The following HIVEP2 variants were observed in gnomAD, a reference collection of about 807,000 sequenced individuals.
HIVEP2 encodes the protein transcription factor HIVEP2.
A neutral mutation model predicts 180.7 loss-of-function variants in HIVEP2; 14 were observed. The observed-to-expected ratio is 0.08, with a 90% CI of 0.05 to 0.12. HIVEP2 has a LOEUF of 0.12. Ranked by LOEUF, HIVEP2 falls within the 10% of genes least tolerant of loss-of-function variation. The pLI is 1.00. For synonymous variants in HIVEP2, 1,184 were observed against 1,136.4 expected, an observed-to-expected ratio of 1.04 and a Z score of -0.84; for missense variants, 2,579 against 3,008.5, an observed-to-expected ratio of 0.86 and a Z score of 3.34.
At chr6:142,896,071 T>C (rs1312754042) in intron 1 of HIVEP2, among the ~76,000 whole-genome samples, 3 of 152,182 alleles carry the variant, frequency 2.0e-5, no homozygotes, top group Non-Finnish European at 4.4e-5. Context: ...AAACTTAGAA[T>C]GTGACCTTTT....
chr6:142,876,750 T>C (rs932696067), intron 1 of HIVEP2, among the ~76,000 whole-genome samples: 3 of 151,816 alleles, frequency 2.0e-5, no homozygotes, highest in Non-Finnish European at 4.4e-5. Context: ...AGGTCAGGAG[T>C]GGTGGCTCAC....
intron 2 of HIVEP2, among the ~76,000 whole-genome samples, chr6:142,786,602 GA>G (rs1043691235): frequency 3.3e-5 from 5 of 151,902 alleles, no homozygotes; most frequent in African/African-American, 1.2e-4. Flanking sequence ...ATTCTTAGAA[GA>G]AAAAAAATCC....
chr6:142,849,900 A>G (rs1775606600), intron 1 of HIVEP2, among the ~76,000 whole-genome samples: 1 of 152,202 alleles, frequency 6.6e-6, no homozygotes, highest in South Asian at 2.1e-4. Context: ...CTCAAAGACT[A>G]GGAAGTGTGC....
intron 6 of HIVEP2, among the ~76,000 whole-genome samples, chr6:142,768,093 A>AC (rs1210996454): frequency 1.3e-5 from 2 of 152,366 alleles, no homozygotes; most frequent in African/African-American, 4.8e-5. Flanking sequence ...AACTTAGATG[A>AC]CATCAAGTGT....
At chr6:142,899,545 T>C (rs1777080431) in intron 1 of HIVEP2, among the ~76,000 whole-genome samples, 1 of 152,222 alleles carries the variant, frequency 6.6e-6, no homozygotes, top group Non-Finnish European at 1.5e-5. Context: ...AATTAGTAAA[T>C]GAAACCAATT....
chr6:142,842,324 G>C (rs1775385584), intron 1 of HIVEP2, among the ~76,000 whole-genome samples: 1 of 152,154 alleles, frequency 6.6e-6, no homozygotes, highest in South Asian at 2.1e-4. Context: ...TGTTGTGCAT[G>C]TTAACTAAAT....
chr6:142,788,848 G>A (rs1776071039), intron 2 of HIVEP2, among the ~76,000 whole-genome samples: 1 of 152,044 alleles, frequency 6.6e-6, no homozygotes, highest in Non-Finnish European at 1.5e-5. Context: ...ATTACAAGAG[G>A]GAATGGTCAC....
At chr6:142,925,858 T>C (rs1777794987) in intron 1 of HIVEP2, among the ~76,000 whole-genome samples, 1 of 152,230 alleles carries the variant, frequency 6.6e-6, no homozygotes, top group Admixed American at 6.5e-5. Context: ...CCTTTCTCTG[T>C]CAACTCTTTG....
At chr6:142,756,806 TATC>T (rs1327026095) in intron 9 of HIVEP2, among the ~76,000 whole-genome samples, 1 of 108,638 alleles carries the variant, frequency 9.2e-6, no homozygotes, top group African/African-American at 4.0e-5. Flanking sequence ...CTTATCTATC[TATC>T]TATCTATCTA....
intron 1 of HIVEP2, among the ~76,000 whole-genome samples, chr6:142,914,501 C>T (rs893610553): frequency 1.3e-5 from 2 of 152,124 alleles, no homozygotes; most frequent in Non-Finnish European, 2.9e-5. Context: ...AAATTTATGA[C>T]TCTGAAAATG....
At chr6:142,825,101 A>G (rs1017463177) in intron 2 of HIVEP2, among the ~76,000 whole-genome samples, 15 of 152,202 alleles carry the variant, frequency 9.9e-5, no homozygotes, top group African/African-American at 3.6e-4. Flanking sequence ...AACATTTTCC[A>G]TGGAGCCTGC....
At chr6:142,758,801 T>A (rs895569445) in intron 9 of HIVEP2, among the ~76,000 whole-genome samples, 1 of 152,152 alleles carries the variant, frequency 6.6e-6, no homozygotes, top group African/African-American at 2.4e-5. Flanking sequence ...TCTCTGCACA[T>A]TCTCACTTAG....
chr6:142,791,033 T>C (rs570440479), intron 2 of HIVEP2, among the ~76,000 whole-genome samples: 1 of 152,324 alleles, frequency 6.6e-6, no homozygotes, highest in South Asian at 2.1e-4. Flanking sequence ...TATCTACTTC[T>C]AATAACTGAG....
intron 2 of HIVEP2, among the ~76,000 whole-genome samples, chr6:142,790,980 G>C (rs1202999883): frequency 6.6e-6 from 1 of 152,090 alleles, no homozygotes; most frequent in Non-Finnish European, 1.5e-5. Flanking sequence ...AAGAAATCAA[G>C]GCAAAGCCTA....
intron 2 of HIVEP2, among the ~76,000 whole-genome samples, chr6:142,790,350 AT>A (rs575217791): frequency 6.1e-4 from 92 of 152,008 alleles, no homozygotes; most frequent in Non-Finnish European, 9.9e-4. Context: ...TCCCATTTTT[AT>A]TTTTTTCCTT....
At chr6:142,917,927 C>T (rs548532111) in intron 1 of HIVEP2, among the ~76,000 whole-genome samples, 3 of 152,288 alleles carry the variant, frequency 2.0e-5, no homozygotes, top group African/African-American at 7.2e-5. Flanking sequence ...AGGCATGCAC[C>T]ACCACGCCTG....
At chr6:142,900,607 A>C (rs529059347) in intron 1 of HIVEP2, among the ~76,000 whole-genome samples, 16 of 152,248 alleles carry the variant, frequency 1.1e-4, no homozygotes, top group African/African-American at 3.9e-4. Context: ...AGCAATAACT[A>C]TGTTGACATT....
intron 1 of HIVEP2, among the ~76,000 whole-genome samples, chr6:142,843,474 T>C (rs1244035401): frequency 2.6e-5 from 4 of 152,082 alleles, no homozygotes; most frequent in African/African-American, 7.2e-5. Flanking sequence ...AATGGCTTCA[T>C]AGAGCAAGCT....
At chr6:142,795,361 A>C (rs973114685) in intron 2 of HIVEP2, among the ~76,000 whole-genome samples, 1 of 152,158 alleles carries the variant, frequency 6.6e-6, no homozygotes, top group African/African-American at 2.4e-5. Flanking sequence ...CTTAAGAAAA[A>C]AACAACCCAC....
Sources: allele counts gnomAD v4.1 joint callset (sites outside exome capture counted in the v4.1 genomes callset), GRCh38; gene constraint gnomAD v4.1.1; transcripts MANE v1.5; gene names NCBI Gene and HGNC (gene_info 2026-07-23, HGNC 2026-07-21).